SMIM3: variants seen among roughly 807,000 people sequenced by gnomAD.
SMIM3 encodes small integral membrane protein 3.
Under a neutral mutation model 2.1 loss-of-function variants are expected in SMIM3, and 4 were observed. That is an observed-to-expected ratio of 1.89 (90% CI 0.93 to 4.31). The LOEUF is 4.31. SMIM3 is among the 30% of genes most tolerant of loss of function. The probability of loss-of-function intolerance (pLI) is 0.01; values close to 1 mark genes in which losing one functional copy is unlikely to be tolerated. For synonymous variants in SMIM3, 29 were observed against 30.8 expected, an observed-to-expected ratio of 0.94 and a Z score of 0.19; for missense variants, 79 against 77.7, an observed-to-expected ratio of 1.02 and a Z score of -0.06.
intron 1 of SMIM3, 30 bp downstream of exon 1, chr5:150,779,002 G>A (rs377366554): frequency 4.4e-5 from 21 of 480,316 alleles, no homozygotes; most frequent in African/African-American, 9.9e-5. Flanking sequence ...GATTGTTTGT[G>A]GGGCTCTGGC....
At chr5:150,790,169 G>A (rs1205776572) in intron 1 of SMIM3, among the ~76,000 whole-genome samples, 1 of 152,124 alleles carries the variant, frequency 6.6e-6, no homozygotes, top group East Asian at 1.9e-4. Context: ...CTGTGAAATG[G>A]CACTCATTCT....
At chr5:150,784,470 C>A (rs1753269921) in intron 1 of SMIM3, among the ~76,000 whole-genome samples, 1 of 152,150 alleles carries the variant, frequency 6.6e-6, no homozygotes. Flanking sequence ...CTGAGAGAGA[C>A]ATCTTGAAAT....
Position 150,795,665 on chromosome 5 carries a change from C to T in SMIM3, c.*42C>T. 1 of 1,527,650 alleles carries T rather than the reference C, an allele frequency of 6.5e-7. No individual in the cohort carries two copies. Among genetic ancestry groups the T allele is most frequent in the African/African-American group, 1.4e-5 (1 of 72,942 alleles). 94.6% of individuals were successfully genotyped at this position (1,527,650 alleles called of 1,614,324 possible). A position where few individuals can be genotyped will look rare whatever the true frequency, so the allele number is the denominator to read the frequency against. On this transcript the variant is annotated 3_prime_UTR_variant, in exon 2 of 2. Coordinates refer to ENST00000526627, the MANE Select transcript of SMIM3 (RefSeq NM_032947.5). The stretch of plus-strand genomic sequence containing the variant: ...CCGGGTGAGGGATGAGGACAGGCAT[C>T]CTATCCCCAGCCTCTTCCTGTCTTC...
At chr5:150,782,530 C>A (rs1347931753) in intron 1 of SMIM3, among the ~76,000 whole-genome samples, 1 of 152,148 alleles carries the variant, frequency 6.6e-6, no homozygotes, top group Non-Finnish European at 1.5e-5. Context: ...TCGGCCCAAG[C>A]AAATCAACAA....
intron 1 of SMIM3, among the ~76,000 whole-genome samples, chr5:150,781,617 C>G (rs1241189069): frequency 6.6e-6 from 1 of 152,108 alleles, no homozygotes; most frequent in Non-Finnish European, 1.5e-5. Flanking sequence ...TTCTGGGGAC[C>G]AGGACATAGA....
intron 1 of SMIM3, 109 bp from the exon 2 acceptor site, chr5:150,795,321 T>A: frequency 8.7e-7 from 1 of 1,152,134 alleles, no homozygotes; most frequent in Non-Finnish European, 1.3e-6. Flanking sequence ...ACCTTAAAGT[T>A]TACATATCTG....
intron 1 of SMIM3, among the ~76,000 whole-genome samples, chr5:150,790,382 T>C (rs1016899594): frequency 5.9e-5 from 9 of 152,170 alleles, no homozygotes; most frequent in Non-Finnish European, 5.9e-5. Flanking sequence ...GCTGTTGATG[T>C]AGTCAGGAGA....
At chr5:150,781,232 A>T (rs946055773) in intron 1 of SMIM3, among the ~76,000 whole-genome samples, 7 of 152,188 alleles carry the variant, frequency 4.6e-5, no homozygotes, top group African/African-American at 1.7e-4. Context: ...CTAGGTTCAG[A>T]TCTTGCCTCT....
At chr5:150,787,857 T>A (rs1216345491) in intron 1 of SMIM3, among the ~76,000 whole-genome samples, 1 of 152,196 alleles carries the variant, frequency 6.6e-6, no homozygotes, top group Non-Finnish European at 1.5e-5. Flanking sequence ...GTATTTCACT[T>A]CCCTGTGCTT....
rs1753398257 is a variant in SMIM3, at chr5:150,795,729, G to A, written c.*106G>A. On this transcript the variant is annotated 3_prime_UTR_variant, in exon 2 of 2. Transcript: ENST00000526627. ...GAGGGACTTTGGGGCATGGACCTGA[G>A]TTCTGGTTTTGATTCTGCCACGAGC... is the stretch of plus-strand genomic sequence containing the variant. 7.7e-7 allele frequency: 1 copy of A among 1,295,508 alleles called. No homozygotes were observed. The highest frequency in any genetic ancestry group is 1.0e-6 in the Non-Finnish European group (1 of 955,608). The allele number at this position is 1,295,508 out of a possible 1,614,324, so 80.3% of individuals were successfully genotyped here.
intron 1 of SMIM3, 52 bp from the exon 2 acceptor site, chr5:150,795,378 G>A: frequency 6.3e-7 from 1 of 1,589,916 alleles, no homozygotes; most frequent in South Asian, 1.1e-5. Context: ...TTCTAACCAG[G>A]GAGGCAGGGA....
At position 150,792,851 on chromosome 5, in the gene SMIM3, T is replaced by C. The variant is rs1031013404; in HGVS notation, c.-11-2579T>C. Among the ~76,000 whole-genome samples the C allele has an allele frequency of 2.0e-5, 3 of 152,364 alleles. No homozygotes were observed. In the East Asian group the frequency reaches 5.8e-4, roughly 29 times the overall value. ...GCCATTGCACCCAGCCTGAAGTTGA[T>C]TTTTTGGTGGTTGCATGGTATGGCA... On this transcript the variant is annotated intron_variant, in intron 1 of 1. Coordinates refer to ENST00000526627, the MANE Select transcript of SMIM3 (RefSeq NM_032947.5).
chr5:150,781,172 C>T (rs1345129116), intron 1 of SMIM3, among the ~76,000 whole-genome samples: 1 of 152,198 alleles, frequency 6.6e-6, no homozygotes, highest in Non-Finnish European at 1.5e-5. Context: ...TGAACGCAGG[C>T]ACCCTGGCTC....
chr5:150,781,960 T>C lies in SMIM3; in HGVS notation c.-12+2988T>C, dbSNP rs573602450. Among the ~76,000 whole-genome samples the C allele has an allele frequency of 9.8e-5, 15 of 152,344 alleles. No homozygotes were observed. In the South Asian group the frequency reaches 2.9e-3, roughly 29 times the overall value. On this transcript the variant is annotated intron_variant, in intron 1 of 1. Coordinates refer to ENST00000526627, the MANE Select transcript of SMIM3 (RefSeq NM_032947.5). Reference sequence around the variant, plus strand: ...GTGATTGGCTGGGTCAGATGGTACGTGCGGTCTTACACAGCTCTGGCTGTG... The same window carrying C: ...GTGATTGGCTGGGTCAGATGGTACGCGCGGTCTTACACAGCTCTGGCTGTG...
At chr5:150,781,447 A>C (rs1286998183) in intron 1 of SMIM3, among the ~76,000 whole-genome samples, 1 of 152,228 alleles carries the variant, frequency 6.6e-6, no homozygotes, top group African/African-American at 2.4e-5. Context: ...ATTGCCTGGC[A>C]CATTAAACAA....
chr5:150,790,061 G>C (rs1753333877), intron 1 of SMIM3, among the ~76,000 whole-genome samples: 1 of 152,088 alleles, frequency 6.6e-6, no homozygotes, highest in South Asian at 2.1e-4. Flanking sequence ...TTTTAGTTAG[G>C]GGCAGCGACA....
rs916223813 is a variant in SMIM3 at position 150,796,198 on chromosome 5, C to T, written c.*575C>T. 1.3e-5 allele frequency: 2 copies of T among 153,920 alleles called. No homozygotes were observed. Among genetic ancestry groups the T allele is most frequent in the African/African-American group, 4.8e-5 (2 of 41,436 alleles). The allele number at this position is 153,920 out of a possible 1,614,324, so 9.5% of individuals were successfully genotyped here. ...CCTTCTCCATTCCAGAATCTCTGCC[C>T]CTGTGTAATCTGAAGGAAGGCTGTG... On this transcript the variant is annotated 3_prime_UTR_variant, in exon 2 of 2. Transcript: ENST00000526627.
At chr5:150,790,700 C>T (rs1753340921) in intron 1 of SMIM3, among the ~76,000 whole-genome samples, 1 of 152,080 alleles carries the variant, frequency 6.6e-6, no homozygotes, top group Admixed American at 6.5e-5. Flanking sequence ...TTTGTTGAGT[C>T]CAGAGGTTCC....
At chr5:150,788,173 C>G (rs1000448542) in intron 1 of SMIM3, among the ~76,000 whole-genome samples, 3 of 151,902 alleles carry the variant, frequency 2.0e-5, no homozygotes, top group African/African-American at 7.3e-5. Flanking sequence ...GAAAACTTGC[C>G]AAATGGTGGG....
Sources: gnomAD v4.1 joint callset for allele counts (sites outside exome capture counted in the v4.1 genomes callset) on GRCh38, gnomAD v4.1.1 for gene constraint, MANE v1.5 for transcripts, NCBI Gene and HGNC (gene_info 2026-07-23, HGNC 2026-07-21) for gene names.